The following VPS13B variants were observed in gnomAD, a reference collection of about 807,000 sequenced individuals.
The protein encoded by VPS13B is vacuolar protein sorting 13 homolog B.
A neutral mutation model predicts 426.4 loss-of-function variants in VPS13B; 285 were observed. The observed-to-expected ratio is 0.67, with a 90% CI of 0.61 to 0.74. The LOEUF is 0.74. Ranked by LOEUF, VPS13B falls within the 30% of genes least tolerant of loss-of-function variation. VPS13B has a pLI of 0.00. For missense variants in VPS13B, 4,537 were observed against 4,782.6 expected (o/e 0.95, Z 1.51); for synonymous variants, 1,676 against 1,676.4 (o/e 1.00, Z 0.01).
At chr8:99,102,012 CT>C (rs1371866840) in intron 4 of VPS13B, among the ~76,000 whole-genome samples, 1 of 151,486 alleles carries the variant, frequency 6.6e-6, no homozygotes, top group African/African-American at 2.4e-5. Flanking sequence ...TTTTAAAATG[CT>C]TTTTATAAAG....
At chr8:99,712,812 T>C (rs1027876110) in intron 36 of VPS13B, among the ~76,000 whole-genome samples, 4 of 151,770 alleles carry the variant, frequency 2.6e-5, no homozygotes, top group African/African-American at 9.7e-5. Context: ...TGTTTTTCTA[T>C]ATTTGTTTTC....
chr8:99,829,826 T>G (rs149684823), intron 51 of VPS13B, among the ~76,000 whole-genome samples: 5,323 of 152,328 alleles, frequency 0.035, 108 homozygotes, highest in Non-Finnish European at 0.042. Context: ...GCTTTCTGTT[T>G]GTTAGTTTTC....
intron 19 of VPS13B, among the ~76,000 whole-genome samples, chr8:99,359,144 T>G (rs1812354055): frequency 6.6e-6 from 1 of 152,196 alleles, no homozygotes; most frequent in African/African-American, 2.4e-5. Flanking sequence ...TCTTGTTTGC[T>G]GTCATAAAAT....
chr8:99,797,405 A>G (rs1276743109), intron 43 of VPS13B, among the ~76,000 whole-genome samples: 1 of 152,166 alleles, frequency 6.6e-6, no homozygotes. Flanking sequence ...ACACCCAGCC[A>G]ATAAATGTTC....
chr8:99,559,523 G>C (rs1407010976), intron 31 of VPS13B, among the ~76,000 whole-genome samples: 3 of 152,060 alleles, frequency 2.0e-5, no homozygotes, highest in Non-Finnish European at 4.4e-5. Flanking sequence ...TTTCTTCTAG[G>C]GTTTTTATGG....
intron 43 of VPS13B, among the ~76,000 whole-genome samples, chr8:99,800,409 A>G (rs1368231730): frequency 6.6e-6 from 1 of 152,198 alleles, no homozygotes; most frequent in Non-Finnish European, 1.5e-5. Context: ...TAATGTTGAA[A>G]TGACCTATTT....
intron 3 of VPS13B, 114 bp from the exon 4 acceptor site, chr8:99,096,193 AAAATT>A (rs1236100548): frequency 8.4e-7 from 1 of 1,191,602 alleles, no homozygotes; most frequent in Middle Eastern, 2.4e-4. Context: ...GCTAAAAAAT[AAAATT>A]ATGTTGATCT....
chr8:99,619,422 T>G (rs1828256385), intron 33 of VPS13B, among the ~76,000 whole-genome samples: 1 of 152,188 alleles, frequency 6.6e-6, no homozygotes, highest in South Asian at 2.1e-4. Context: ...ATTGTCTTGT[T>G]TTTTCCTCAT....
rs1832963373 is a variant in VPS13B, at chr8:99,717,265, T to G, written c.6549T>G (p.Cys2183Trp). The change falls in exon 37 of 62, where the codon TGT (cysteine) becomes TGG (tryptophan). Residue 2183 changes from cysteine (C) to tryptophan (W), a missense_variant. By Grantham distance (215) the Cys-to-Trp change is radical (BLOSUM62 -2). Coordinates refer to ENST00000357162, the MANE Select transcript of VPS13B (RefSeq NM_152564.5). ...KERSRILIGP[C>W]CATANLEAKW... is the part of the protein sequence containing the mutation. ...GAAGCCGCATTCTGATAGGACCATG[T>G]TGTGCTACTGCCAATCTGGAAGCTA... The G allele has an allele frequency of 6.2e-7, 1 of 1,614,106 alleles. No homozygotes were observed. The highest frequency in any genetic ancestry group is 1.7e-5 in the Admixed American group (1 of 59,994).
rs1815324177 is a variant in VPS13B, at chr8:99,406,242, T to C, written c.3082+14538T>C. Among the ~76,000 whole-genome samples the C allele has an allele frequency of 2.0e-5, 3 of 151,956 alleles. No individual in the cohort carries two copies. In the East Asian group the frequency reaches 5.8e-4, roughly 29 times the overall value. The stretch of plus-strand genomic sequence containing the variant: ...GTTCTTGTTTTTTTTTTTTTTATTC[T>C]CTCCTTCTCTAGAATATATCTCAAG... On this transcript the variant is annotated intron_variant, in intron 21 of 61. Transcript: ENST00000357162.
At chr8:99,560,530 C>T (rs955113344) in intron 31 of VPS13B, among the ~76,000 whole-genome samples, 4 of 152,016 alleles carry the variant, frequency 2.6e-5, no homozygotes, top group Admixed American at 6.6e-5. Context: ...ATAGCACTGC[C>T]GTATATAAAA....
Position 99,625,026 on chromosome 8 carries a change from T to C in VPS13B, c.5221-16785T>C, listed in dbSNP as rs1215240546. On this transcript the variant is annotated intron_variant, in intron 33 of 61. Transcript: ENST00000357162. Reference sequence around the variant, plus strand: ...TTTTAGTAGAGACGGAGTTTCTCCATGTTGGTCAGGCTGGTCTCGAACTCC... The same window carrying C: ...TTTTAGTAGAGACGGAGTTTCTCCACGTTGGTCAGGCTGGTCTCGAACTCC... 2.6e-5 allele frequency among the ~76,000 whole-genome samples: 4 copies of C among 152,118 alleles called. No individual in the cohort carries two copies. In the East Asian group the frequency reaches 5.8e-4, roughly 22 times the overall value.
intron 39 of VPS13B, among the ~76,000 whole-genome samples, chr8:99,743,604 G>A (rs1454285045): frequency 6.6e-6 from 1 of 152,144 alleles, no homozygotes; most frequent in Admixed American, 6.5e-5. Flanking sequence ...AAAACAGCAT[G>A]GTACTGGTTC....
rs1386172228 is a variant in VPS13B at position 99,233,934 on chromosome 8, C to A, written c.2516-40264C>A. The A allele has an allele frequency of 3.8e-6, 3 of 791,966 alleles. No individual in the cohort carries two copies. The African/African-American group carries it at 5.1e-5, about 13-fold the overall frequency. 49.1% of individuals were successfully genotyped at this position (791,966 alleles called of 1,614,324 possible). On this transcript the variant is annotated intron_variant, in intron 17 of 61. Coordinates refer to ENST00000357162, the MANE Select transcript of VPS13B (RefSeq NM_152564.5). ...GCATGGATGGTGACAAGCTTCTCTG[C>A]AGCTCCAGAGTTCTCTTTTCTATGG...
At chr8:99,334,884 G>C (rs1166984466) in intron 19 of VPS13B, among the ~76,000 whole-genome samples, 2 of 152,102 alleles carry the variant, frequency 1.3e-5, no homozygotes, top group Non-Finnish European at 2.9e-5. Context: ...AAATGAGTTA[G>C]GGAGGATTCC....
At chr8:99,547,951 C>T (rs150095725) in intron 30 of VPS13B, among the ~76,000 whole-genome samples, 10 of 152,120 alleles carry the variant, frequency 6.6e-5, no homozygotes, top group African/African-American at 2.4e-4. Context: ...AAGTTGAGAC[C>T]AGAAAATTTA....
At chr8:99,646,194 A>G (rs1200671550) in intron 34 of VPS13B, among the ~76,000 whole-genome samples, 1 of 152,200 alleles carries the variant, frequency 6.6e-6, no homozygotes, top group Non-Finnish European at 1.5e-5. Flanking sequence ...GTGTTTCCAC[A>G]GTGTTCATAT....
intron 35 of VPS13B, among the ~76,000 whole-genome samples, chr8:99,669,035 G>C (rs2129858631): frequency 6.6e-6 from 1 of 152,202 alleles, no homozygotes; most frequent in South Asian, 2.1e-4. Flanking sequence ...TGGCATGCTA[G>C]CCCTCCATAA....
intron 17 of VPS13B, among the ~76,000 whole-genome samples, chr8:99,212,782 ATGAT>A (rs1563606625): frequency 6.6e-6 from 1 of 152,116 alleles, no homozygotes; most frequent in African/African-American, 2.4e-5. Context: ...TCCTTATGAT[ATGAT>A]TCTTTTCTAC....
Sources: gnomAD v4.1 joint callset for allele counts (sites outside exome capture counted in the v4.1 genomes callset) on GRCh38, gnomAD v4.1.1 for gene constraint, MANE v1.5 for transcripts, NCBI Gene and HGNC (gene_info 2026-07-23, HGNC 2026-07-21) for gene names.